Variants in PELO observed in about 807,000 individuals in gnomAD.
PELO encodes the protein protein pelota homolog.
In PELO, 19 loss-of-function variants were observed where a neutral mutation model predicts 25.9. That is an observed-to-expected ratio of 0.73 (90% CI 0.51 to 1.08). The LOEUF (loss-of-function observed/expected upper bound fraction) is 1.08, where lower values mean the gene tolerates loss of function less well. PELO is among the 50% of genes least tolerant of loss of function. The pLI, the probability that PELO is intolerant of heterozygous loss-of-function variation, is 0.00. For synonymous variants in PELO, 196 were observed against 192.2 expected, an observed-to-expected ratio of 1.02 and a Z score of -0.16; for missense variants, 498 against 491.4, an observed-to-expected ratio of 1.01 and a Z score of -0.13.
rs1032250614 is a variant in PELO, at chr5:52,788,339, G to A, written c.-586G>A. The A allele has an allele frequency of 6.7e-7, 1 of 1,499,422 alleles. No homozygotes were observed. The highest frequency in any genetic ancestry group is 8.9e-7 in the Non-Finnish European group (1 of 1,129,858). The allele number at this position is 1,499,422 out of a possible 1,614,324, so 92.9% of individuals were successfully genotyped here. A position where few individuals can be genotyped will look rare whatever the true frequency, so the allele number is the denominator to read the frequency against. Reference sequence around the variant, plus strand: ...CGAACCAGCGCGGCCCCCTGGCGCTGAGGCTGCTCCGGCCATGGCCCCTCG... The same window carrying A: ...CGAACCAGCGCGGCCCCCTGGCGCTAAGGCTGCTCCGGCCATGGCCCCTCG... On this transcript the variant is annotated 5_prime_UTR_variant, in exon 1 of 3. Transcript: ENST00000274311.
intron 1 of PELO, among the ~76,000 whole-genome samples, chr5:52,791,828 C>A (rs773008010): frequency 6.6e-6 from 1 of 151,960 alleles, no homozygotes; most frequent in Non-Finnish European, 1.5e-5. Context: ...ATGAGGAAAT[C>A]AAAATATAGT....
intron 1 of PELO, among the ~76,000 whole-genome samples, chr5:52,789,810 T>C (rs1011049348): frequency 6.6e-6 from 1 of 152,190 alleles, no homozygotes; most frequent in Admixed American, 6.5e-5. Context: ...TTCTACCAAA[T>C]AAGCAGTCTC....
Position 52,800,672 on chromosome 5 carries a change from A to C in PELO, c.278A>C (p.Tyr93Ser). ...VKGTNIQENE[Y>S]VKMGAYHTIE... is the part of the protein sequence containing the mutation. Reference sequence around the variant, plus strand: ...GGGACCAACATCCAAGAGAATGAGTATGTCAAGATGGGGGCTTACCACACC... The same window carrying C: ...GGGACCAACATCCAAGAGAATGAGTCTGTCAAGATGGGGGCTTACCACACC... The change falls in exon 2 of 3, where the codon TAT becomes TCT. Residue 93 changes from tyrosine (Y) to serine (S), a missense_variant. By Grantham distance (144) the Tyr-to-Ser change is moderately radical. Coordinates refer to ENST00000274311, the MANE Select transcript of PELO (RefSeq NM_015946.5). The C allele has an allele frequency of 1.9e-6, 3 of 1,614,186 alleles. No homozygotes were observed. Among genetic ancestry groups the C allele is most frequent in the Non-Finnish European group, 2.5e-6 (3 of 1,180,024 alleles).
chr5:52,795,747 T>G (rs1233950785), intron 1 of PELO, among the ~76,000 whole-genome samples: 1 of 151,972 alleles, frequency 6.6e-6, no homozygotes, highest in Non-Finnish European at 1.5e-5. Context: ...TTTTTAGAGC[T>G]CTATAATTTA....
chr5:52,788,477 G>A, intron 1 of PELO, 63 bp downstream of exon 1: 8 of 1,346,350 alleles, frequency 5.9e-6, no homozygotes, highest in Non-Finnish European at 7.8e-6. Flanking sequence ...GAGCGGGGAG[G>A]GAGGTCCTCA....
At chr5:52,799,342 C>T (rs942020695) in intron 1 of PELO, among the ~76,000 whole-genome samples, 1 of 152,192 alleles carries the variant, frequency 6.6e-6, no homozygotes, top group African/African-American at 2.4e-5. Context: ...CCCATAGCCT[C>T]GGCTTTTAGC....
intron 1 of PELO, among the ~76,000 whole-genome samples, chr5:52,799,652 C>G (rs1748414388): frequency 6.6e-6 from 1 of 152,240 alleles, no homozygotes; most frequent in African/African-American, 2.4e-5. Context: ...ACCAGTAGTT[C>G]TCAGAAACCG....
chr5:52,801,591 T>A lies in PELO; in HGVS notation c.909T>A (p.Asn303Lys). ...FYGLKQVEKANEAMAIDTLLI... is the reference protein window; with the variant it reads ...FYGLKQVEKAKEAMAIDTLLI... Reference sequence around the variant, plus strand: ...GACTCAAGCAGGTGGAGAAGGCCAATGAAGCCATGGCAATTGACACATTGC... The same window carrying A: ...GACTCAAGCAGGTGGAGAAGGCCAAAGAAGCCATGGCAATTGACACATTGC... The change falls in exon 3 of 3, where the codon AAT becomes AAA. Residue 303 changes from asparagine to lysine, a missense_variant. Physicochemically the swap from Asn to Lys is moderately conservative, Grantham distance 94. Transcript: ENST00000274311. 6.2e-7 allele frequency: 1 copy of A among 1,614,086 alleles called. No homozygotes were observed. The highest frequency in any genetic ancestry group is 8.5e-7 in the Non-Finnish European group (1 of 1,179,968).
At position 52,802,470 on chromosome 5, in the gene PELO, G is replaced by A. The variant is rs1198618702; in HGVS notation, c.*630G>A. 1.3e-5 allele frequency: 2 copies of A among 152,162 alleles called. No homozygotes were observed. The highest frequency in any genetic ancestry group is 1.3e-4 in the Admixed American group (2 of 15,278). 9.4% of individuals were successfully genotyped at this position (152,162 alleles called of 1,614,324 possible). ...TTTTGGTTTGTTGTTGTTAGCATTAGTCATATTTGATTTAGAGGGTAACTT... is the reference window on the plus strand; with the variant it reads ...TTTTGGTTTGTTGTTGTTAGCATTAATCATATTTGATTTAGAGGGTAACTT... On this transcript the variant is annotated 3_prime_UTR_variant, in exon 3 of 3. Transcript: ENST00000274311.
rs1390867432 is a variant in PELO at position 52,803,812 on chromosome 5, A to G, written c.*1972A>G. 6.6e-6 allele frequency: 1 copy of G among 152,186 alleles called. No individual in the cohort carries two copies. The highest frequency in any genetic ancestry group is 1.5e-5 in the Non-Finnish European group (1 of 68,038). The allele number at this position is 152,186 out of a possible 1,614,324, so 9.4% of individuals were successfully genotyped here. On this transcript the variant is annotated 3_prime_UTR_variant, in exon 3 of 3. Coordinates refer to ENST00000274311, the MANE Select transcript of PELO (RefSeq NM_015946.5). The stretch of plus-strand genomic sequence containing the variant: ...ACTGAGACAGGCGCTACCTGTACCA[A>G]CATCTCTAGATGATTCCTGTGCATA...
chr5:52,801,513 C>T lies in PELO; in HGVS notation c.831C>T (p.Ala277=), dbSNP rs374974514. ...SDTKAAGEVK[A]LDDFYKMLQH... is the part of the protein sequence containing the mutation. ...CTAAAGCTGCTGGGGAAGTCAAAGC[C>T]TTGGATGACTTCTATAAAATGTTAC... Residue 277 remains alanine, a synonymous_variant, in exon 3 of 3, where the codon GCC becomes GCT. Transcript: ENST00000274311. 6.2e-7 allele frequency: 1 copy of T among 1,613,930 alleles called. No homozygotes were observed. The highest frequency in any genetic ancestry group is 1.3e-5 in the African/African-American group (1 of 74,900).
At chr5:52,795,999 A>G (rs923842293) in intron 1 of PELO, among the ~76,000 whole-genome samples, 1 of 152,026 alleles carries the variant, frequency 6.6e-6, no homozygotes. Flanking sequence ...TAGAAAAATC[A>G]GATTTGAAAG....
chr5:52,793,163 G>A (rs554701447), intron 1 of PELO, among the ~76,000 whole-genome samples: 3 of 152,076 alleles, frequency 2.0e-5, no homozygotes, highest in Non-Finnish European at 2.9e-5. Context: ...AATGCACCAC[G>A]GTATTATAAT....
chr5:52,798,832 C>T lies in PELO; in HGVS notation c.-510-1053C>T, dbSNP rs1400011365. The stretch of plus-strand genomic sequence containing the variant: ...AAACACTTTATGGTAAAGATCTTGG[C>T]GCTCACTGAGAATTTCCTTGTGGGC... On this transcript the variant is annotated intron_variant, in intron 1 of 2. Coordinates refer to ENST00000274311, the MANE Select transcript of PELO (RefSeq NM_015946.5). Among the ~76,000 whole-genome samples, 4 of 152,252 alleles carry T rather than the reference C, an allele frequency of 2.6e-5. No homozygotes were observed. The East Asian group carries it at 5.8e-4, about 22-fold the overall frequency.
intron 2 of PELO, 99 bp from the exon 3 acceptor site, chr5:52,801,310 A>G (rs1748475855): frequency 8.6e-7 from 1 of 1,166,702 alleles, no homozygotes; most frequent in Non-Finnish European, 1.2e-6. Context: ...GCTGAAACAT[A>G]TGAAGCCTTA....
chr5:52,791,618 G>A (rs918151474), intron 1 of PELO, among the ~76,000 whole-genome samples: 25 of 152,108 alleles, frequency 1.6e-4, no homozygotes, highest in African/African-American at 4.6e-4. Flanking sequence ...ACTTAACCCC[G>A]AAATGTATTA....
chr5:52,803,948 T>C lies in PELO; in HGVS notation c.*2108T>C, dbSNP rs1748540666. 1 of 152,184 alleles carries C rather than the reference T, an allele frequency of 6.6e-6. No homozygotes were observed. Among genetic ancestry groups the C allele is most frequent in the African/African-American group, 2.4e-5 (1 of 41,444 alleles). The allele number at this position is 152,184 out of a possible 1,614,324, so 9.4% of individuals were successfully genotyped here. On this transcript the variant is annotated 3_prime_UTR_variant, in exon 3 of 3. Transcript: ENST00000274311. ...GAGTATTAAGGTCTTTCAAAAAAGT[T>C]AACTGGCCATACTCAACTGTCTATA... is the stretch of plus-strand genomic sequence containing the variant.
chr5:52,803,758 A>G lies in PELO; in HGVS notation c.*1918A>G, dbSNP rs1296208561. The G allele has an allele frequency of 6.6e-6, 1 of 152,230 alleles. No homozygotes were observed. The highest frequency in any genetic ancestry group is 2.4e-5 in the African/African-American group (1 of 41,448). 9.4% of individuals were successfully genotyped at this position (152,230 alleles called of 1,614,324 possible). A position where few individuals can be genotyped will look rare whatever the true frequency, so the allele number is the denominator to read the frequency against. ...CAGCATCCCTGAGAGCTTGTTGGAAACTAGAATTCAGGGATCTTTTGTAGA... is the reference window on the plus strand; with the variant it reads ...CAGCATCCCTGAGAGCTTGTTGGAAGCTAGAATTCAGGGATCTTTTGTAGA... On this transcript the variant is annotated 3_prime_UTR_variant, in exon 3 of 3. Transcript: ENST00000274311.
At chr5:52,792,752 C>G (rs547556325) in intron 1 of PELO, among the ~76,000 whole-genome samples, 1 of 152,244 alleles carries the variant, frequency 6.6e-6, no homozygotes. Flanking sequence ...CTACACTTCT[C>G]TTCTGTTGTG....
Sources: allele counts gnomAD v4.1 joint callset (sites outside exome capture counted in the v4.1 genomes callset), GRCh38; gene constraint gnomAD v4.1.1; transcripts MANE v1.5; gene names NCBI Gene and HGNC (gene_info 2026-07-23, HGNC 2026-07-21).